The following SLC35F6 variants were observed in gnomAD, a reference collection of about 807,000 sequenced individuals.
SLC35F6 encodes ANT2-binding protein.
A neutral mutation model predicts 29.4 loss-of-function variants in SLC35F6; 26 were observed. The ratio of observed to expected loss-of-function variants is 0.89; its 90% CI spans 0.65 to 1.23. The LOEUF is 1.23. SLC35F6 is among the 50% of genes most tolerant of loss of function. SLC35F6 has a pLI of 0.00. For synonymous variants in SLC35F6, 174 were observed against 206.6 expected, an observed-to-expected ratio of 0.84 and a Z score of 1.35; for missense variants, 428 against 487.8, an observed-to-expected ratio of 0.88 and a Z score of 1.15.
chr2:26,772,657 G>A (rs1366913739), intron 1 of SLC35F6, among the ~76,000 whole-genome samples: 1 of 152,170 alleles, frequency 6.6e-6, no homozygotes, highest in African/African-American at 2.4e-5. Context: ...CAGTGGCCAG[G>A]GGTGAAAGGT....
rs757517282 is a variant in SLC35F6, at chr2:26,775,546, C to A, written c.405C>A (p.Phe135Leu). Residue 135 changes from phenylalanine (F) to leucine (L), a missense_variant, in exon 4 of 6, where the codon TTC (phenylalanine) becomes TTA (leucine). Physicochemically the swap from Phe to Leu is conservative, Grantham distance 22. Transcript: ENST00000344420. This position sits in a 1 kb window ranked among gnomAD's most constrained non-coding sequence, Gnocchi z 4.6. ...IIFTGLFSVAFLGRRLVLSQW... is the reference protein window; with the variant it reads ...IIFTGLFSVALLGRRLVLSQW... ...TCACTGGCCTGTTCTCGGTGGCCTT[C>A]CTGGGCCGGAGGCTGGTGCTGAGCC... The A allele has an allele frequency of 3.1e-6, 5 of 1,610,386 alleles. No homozygotes were observed. The highest frequency in any genetic ancestry group is 4.2e-6 in the Non-Finnish European group (5 of 1,179,808).
At chr2:26,774,811 G>A (rs1664266603) in intron 2 of SLC35F6, among the ~76,000 whole-genome samples, 1 of 152,118 alleles carries the variant, frequency 6.6e-6, no homozygotes, top group South Asian at 2.1e-4. Flanking sequence ...CTAGATGGAT[G>A]GTTTTCAGAC....
rs10628763 is a variant in SLC35F6, at chr2:26,778,942, CT to C, written c.*444del. On this transcript the variant is annotated 3_prime_UTR_variant, in exon 6 of 6. Transcript: ENST00000344420. ...AAACCAGAACTAAGCATTATATTTT[CT>C]TTTTTTTTTTTTGAGACAGAGTCTC... is the stretch of plus-strand genomic sequence containing the variant. 2.2e-3 allele frequency: 328 copies of C among 147,642 alleles called. No individual in the cohort carries two copies. Among genetic ancestry groups the C allele is most frequent in the Middle Eastern group, 6.8e-3 (2 of 294 alleles). The allele number at this position is 147,642 out of a possible 1,614,324, so 9.1% of individuals were successfully genotyped here. A position where few individuals can be genotyped will look rare whatever the true frequency, so the allele number is the denominator to read the frequency against.
At chr2:26,767,635 G>C (rs1053114194) in intron 1 of SLC35F6, among the ~76,000 whole-genome samples, 4 of 152,090 alleles carry the variant, frequency 2.6e-5, no homozygotes, top group Non-Finnish European at 5.9e-5. Context: ...AGCCATTTCT[G>C]TCTACGTGAG....
intron 2 of SLC35F6, 82 bp downstream of exon 2, chr2:26,774,405 C>G (rs1664260074): frequency 5.3e-6 from 8 of 1,517,564 alleles, no homozygotes; most frequent in Non-Finnish European, 6.3e-6. Flanking sequence ...CAGGCTGTTT[C>G]CTGACTTAGG....
At position 26,764,326 on chromosome 2, in the gene SLC35F6, G is replaced by T. The variant is rs1427561146; in HGVS notation, c.-24G>T. On this transcript the variant is annotated 5_prime_UTR_variant, in exon 1 of 6. Transcript: ENST00000344420. ...TGACGGGGCCCGGCGCCGCTAACTG[G>T]AGCGAACCCCAGCGTCCGCCGACAT... is the stretch of plus-strand genomic sequence containing the variant. The T allele has an allele frequency of 5.8e-6, 9 of 1,548,982 alleles. 1 individual carries two copies. The highest frequency in any genetic ancestry group is 1.4e-5 in the African/African-American group (1 of 72,838).
rs779765702 is a variant in SLC35F6 at position 26,775,597 on chromosome 2, C to T, written c.456C>T (p.Ile152=). ...LSQWLGILAT[I]AGLVVVGLAD... ...AGTGGCTGGGCATCCTAGCCACCAT[C>T]GCGGGGCTGGTGGTCGTGGGCCTGG... Residue 152 remains isoleucine (I), a synonymous_variant, in exon 4 of 6, where the codon ATC becomes ATT. Transcript: ENST00000344420. The surrounding 1 kb of genome is among the most constrained non-coding windows in gnomAD (Gnocchi z 4.6). 1.3e-5 allele frequency: 21 copies of T among 1,607,564 alleles called. No homozygotes were observed. Among genetic ancestry groups the T allele is most frequent in the Admixed American group, 5.0e-5 (3 of 59,632 alleles).
intron 2 of SLC35F6, 135 bp from the exon 3 acceptor site, chr2:26,774,908 TC>T (rs1664269281): frequency 9.5e-7 from 1 of 1,057,762 alleles, no homozygotes; most frequent in Non-Finnish European, 1.3e-6. Context: ...CCATGGCAGC[TC>T]TGCATTTGTC....
chr2:26,766,734 C>G (rs1464047908), intron 1 of SLC35F6, among the ~76,000 whole-genome samples: 2 of 152,222 alleles, frequency 1.3e-5, no homozygotes, highest in Non-Finnish European at 2.9e-5. Flanking sequence ...CTGCTCTGCC[C>G]TTTCATGTGT....
At chr2:26,776,771 C>G (rs893847064) in intron 5 of SLC35F6, among the ~76,000 whole-genome samples, 2 of 152,142 alleles carry the variant, frequency 1.3e-5, no homozygotes, top group Non-Finnish European at 2.9e-5. Flanking sequence ...GTCTCATTGG[C>G]CATGCCTATC....
chr2:26,765,108 C>T (rs879376007), intron 1 of SLC35F6: 1 of 658,102 alleles, frequency 1.5e-6, no homozygotes, highest in African/African-American at 2.0e-5. Context: ...CAGGAAAAAC[C>T]ACTCCAAGGC....
chr2:26,776,375 AC>A lies in SLC35F6; in HGVS notation c.541del (p.Leu181CysfsTer2). The stretch of plus-strand genomic sequence containing the variant: ...CTGGGTCCCTCCTTCCCCACAGGGG[AC>A]CTGTTGATCATCATGGCCCAGATCA... Reference protein sequence around the residue: ...QHKLSEVITGDLLIIMAQIIV... With the variant: ...QHKLSEVITGXLLIIMAQIIV... On this transcript the variant is annotated frameshift_variant, in exon 5 of 6. Transcript: ENST00000344420. LOFTEE classifies it high-confidence loss of function. The A allele has an allele frequency of 9.3e-6, 15 of 1,614,070 alleles. No homozygotes were observed. The highest frequency in any genetic ancestry group is 1.1e-5 in the Non-Finnish European group (13 of 1,179,970).
Position 26,770,881 on chromosome 2 carries a change from C to T in SLC35F6, c.78-3370C>T, listed in dbSNP as rs116819677. Among the ~76,000 whole-genome samples, 1,144 of 152,282 alleles carry T rather than the reference C, an allele frequency of 7.5e-3. 15 individuals carry two copies. Among genetic ancestry groups the T allele is most frequent in the African/African-American group, 0.026 (1,068 of 41,558 alleles). On this transcript the variant is annotated intron_variant, in intron 1 of 5. Transcript: ENST00000344420. ...GAGGCTGGGGTCTTTTCTGATTCTG[C>T]GCCAGGAGTCGAAACCTGTCTCCAA...
chr2:26,773,164 T>C (rs1464165829), intron 1 of SLC35F6, among the ~76,000 whole-genome samples: 1 of 152,210 alleles, frequency 6.6e-6, no homozygotes, highest in Non-Finnish European at 1.5e-5. Context: ...TGGCACAGCC[T>C]ATGGACCTCT....
chr2:26,777,964 C>G, intron 5 of SLC35F6, 78 bp from the exon 6 acceptor site: 1 of 1,377,188 alleles, frequency 7.3e-7, no homozygotes, highest in East Asian at 2.3e-5. Flanking sequence ...GACCCGAGAT[C>G]AGAGGAGGCT....
rs891325384 is a variant in SLC35F6 at position 26,775,318 on chromosome 2, T to C, written c.322+103T>C. ...CACCCACCTCCACTTCATCCCACCA[T>C]TCCCCCAGACTTCACACGCACAGGC... On this transcript the variant is annotated intron_variant, in intron 3 of 5. Coordinates refer to ENST00000344420, the MANE Select transcript of SLC35F6 (RefSeq NM_017877.4). The surrounding 1 kb of genome is among the most constrained non-coding windows in gnomAD (Gnocchi z 4.6). 2 of 1,528,630 alleles carry C rather than the reference T, an allele frequency of 1.3e-6. No homozygotes were observed. The highest frequency in any genetic ancestry group is 1.4e-5 in the African/African-American group (1 of 72,600). The allele number at this position is 1,528,630 out of a possible 1,614,324, so 94.7% of individuals were successfully genotyped here.
intron 1 of SLC35F6, among the ~76,000 whole-genome samples, chr2:26,772,336 C>T (rs1473585599): frequency 6.6e-6 from 1 of 152,164 alleles, no homozygotes; most frequent in Non-Finnish European, 1.5e-5. Flanking sequence ...CTGTGCACTG[C>T]AATCTGACTG....
Position 26,775,037 on chromosome 2 carries a change from C to T in SLC35F6, c.151-7C>T, listed in dbSNP as rs1272688687. The T allele has an allele frequency of 1.2e-6, 2 of 1,611,490 alleles. No homozygotes were observed. The highest frequency in any genetic ancestry group is 3.3e-4 in the Middle Eastern group (2 of 6,044). The stretch of plus-strand genomic sequence containing the variant: ...GCTCTGAAGTCCTCGGGTTTTCATC[C>T]CTGCAGGCAGTGGGCATGTTCCTGG... On this transcript the variant is annotated splice_region_variant and splice_polypyrimidine_tract_variant and intron_variant, in intron 2 of 5. Transcript: ENST00000344420. The surrounding 1 kb of genome is among the most constrained non-coding windows in gnomAD (Gnocchi z 4.6).
Position 26,778,396 on chromosome 2 carries a change from A to G in SLC35F6, c.1001A>G (p.Asn334Ser). 4 of 1,613,890 alleles carry G rather than the reference A, an allele frequency of 2.5e-6. No individual in the cohort carries two copies. Among genetic ancestry groups the G allele is most frequent in the Non-Finnish European group, 3.4e-6 (4 of 1,179,952 alleles). The change falls in exon 6 of 6, where the codon AAT becomes AGT. Residue 334 changes from asparagine to serine, a missense_variant. Physicochemically the swap from Asn to Ser is conservative, Grantham distance 46. Transcript: ENST00000344420. Reference sequence around the variant, plus strand: ...CTCCTTATAGGCACTGCCCTCTACAATGGGCTACACCGTCCGCTGCTGGGC... The same window carrying G: ...CTCCTTATAGGCACTGCCCTCTACAGTGGGCTACACCGTCCGCTGCTGGGC... ...LILLIGTALYNGLHRPLLGRL... is the reference protein window; with the variant it reads ...LILLIGTALYSGLHRPLLGRL...
Sources: gnomAD v4.1 joint callset for allele counts (sites outside exome capture counted in the v4.1 genomes callset) on GRCh38, gnomAD v4.1.1 for gene constraint, Gnocchi (gnomAD v3.1) non-coding constraint, MANE v1.5 for transcripts, NCBI Gene and HGNC (gene_info 2026-07-23, HGNC 2026-07-21) for gene names.